THSD7B: variants seen among roughly 807,000 people sequenced by gnomAD.
THSD7B encodes thrombospondin type-1 domain-containing protein 7B.
A neutral mutation model predicts 213.6 loss-of-function variants in THSD7B; 138 were observed. That is an observed-to-expected ratio of 0.65 (90% CI 0.56 to 0.74). THSD7B has a LOEUF of 0.74. THSD7B is among the 30% of genes least tolerant of loss of function. The pLI is 0.00. For missense variants in THSD7B, 1,931 were observed against 1,991.5 expected (o/e 0.97, Z 0.58); for synonymous variants, 742 against 687.0 (o/e 1.08, Z -1.25).
At chr2:137,531,170 C>T (rs1573688515) in intron 15 of THSD7B, among the ~76,000 whole-genome samples, 1 of 152,024 alleles carries the variant, frequency 6.6e-6, no homozygotes, top group East Asian at 1.9e-4. Flanking sequence ...AAAAGTTGGC[C>T]TTGTAAGGCA....
intron 1 of THSD7B, among the ~76,000 whole-genome samples, chr2:136,864,293 T>C (rs1428136193): frequency 6.6e-6 from 1 of 152,168 alleles, no homozygotes; most frequent in African/African-American, 2.4e-5. Flanking sequence ...CTCTGGATTT[T>C]CTTTTTTGAA....
intron 17 of THSD7B, among the ~76,000 whole-genome samples, chr2:137,589,258 T>C (rs1681811906): frequency 6.6e-6 from 1 of 152,236 alleles, no homozygotes; most frequent in South Asian, 2.1e-4. Context: ...TAAGTTTTTA[T>C]TTAATCCATA....
intron 12 of THSD7B, among the ~76,000 whole-genome samples, chr2:137,295,432 A>G (rs1388594728): frequency 6.6e-6 from 1 of 152,132 alleles, no homozygotes; most frequent in East Asian, 1.9e-4. Context: ...CAGACAAAAT[A>G]CCAGTCTTAC....
At chr2:137,253,037 C>T (rs1420075754) in intron 10 of THSD7B, among the ~76,000 whole-genome samples, 2 of 149,520 alleles carry the variant, frequency 1.3e-5, no homozygotes, top group East Asian at 2.0e-4. Flanking sequence ...TAGAATAACA[C>T]CTTCATGTGG....
intron 14 of THSD7B, among the ~76,000 whole-genome samples, chr2:137,421,001 G>A (rs2105026116): frequency 6.6e-6 from 1 of 151,578 alleles, no homozygotes; most frequent in Non-Finnish European, 1.5e-5. Flanking sequence ...CATAGCATCT[G>A]GCTTCAGTAT....
intron 15 of THSD7B, among the ~76,000 whole-genome samples, chr2:137,473,120 CCATT>C (rs150648034): frequency 0.015 from 2,232 of 149,884 alleles, 71 homozygotes; most frequent in African/African-American, 0.052. Flanking sequence ...GTAACAGTCT[CCATT>C]CATTCAGGAA....
rs141916046 is a variant in THSD7B at position 136,783,928 on chromosome 2, G to A, written c.-36+18241G>A. 2.3e-4 allele frequency among the ~76,000 whole-genome samples: 35 copies of A among 152,306 alleles called. 1 individual carries two copies. In the East Asian group the frequency reaches 6.6e-3, roughly 29 times the overall value. ...TCGTAAGAGAAATGCATGGCAGTTAGGACTTTAATTAGAGTTTCCTTGAGA... is the reference window on the plus strand; with the variant it reads ...TCGTAAGAGAAATGCATGGCAGTTAAGACTTTAATTAGAGTTTCCTTGAGA... On this transcript the variant is annotated intron_variant, in intron 1 of 27. Transcript: ENST00000409968.
chr2:137,470,765 C>T (rs1049813130), intron 15 of THSD7B, among the ~76,000 whole-genome samples: 2 of 152,058 alleles, frequency 1.3e-5, no homozygotes, highest in Non-Finnish European at 1.5e-5. Context: ...AATTTGGATT[C>T]CCAATATTCC....
chr2:137,072,579 A>C (rs1687519440), intron 3 of THSD7B, among the ~76,000 whole-genome samples: 2 of 152,088 alleles, frequency 1.3e-5, no homozygotes, highest in African/African-American at 4.8e-5. Flanking sequence ...TCTTTTCCTA[A>C]TTGAATACCC....
At chr2:137,619,394 G>A (rs192841872) in intron 19 of THSD7B, among the ~76,000 whole-genome samples, 4 of 152,268 alleles carry the variant, frequency 2.6e-5, no homozygotes, top group Admixed American at 1.3e-4. Flanking sequence ...GTCACAACAC[G>A]CTCATGCTCT....
At chr2:137,404,613 T>C (rs900584081) in intron 12 of THSD7B, among the ~76,000 whole-genome samples, 16 of 150,040 alleles carry the variant, frequency 1.1e-4, no homozygotes, top group South Asian at 2.1e-4. Context: ...ATACTATATA[T>C]GATCATATAT....
chr2:137,553,312 T>C (rs1680886646), intron 15 of THSD7B, among the ~76,000 whole-genome samples: 1 of 152,142 alleles, frequency 6.6e-6, no homozygotes, highest in Admixed American at 6.6e-5. Flanking sequence ...GTGGTTGTTG[T>C]TAAAGGATTA....
chr2:137,358,196 T>G (rs1470831069), intron 12 of THSD7B, among the ~76,000 whole-genome samples: 1 of 152,222 alleles, frequency 6.6e-6, no homozygotes, highest in Non-Finnish European at 1.5e-5. Context: ...GCTTGTTTGG[T>G]TTTGTCTACA....
intron 1 of THSD7B, among the ~76,000 whole-genome samples, chr2:136,767,156 C>G (rs372904834): frequency 1.6e-4 from 25 of 152,236 alleles, no homozygotes; most frequent in East Asian, 1.2e-3. Flanking sequence ...CCTTTTTGTG[C>G]TCTTGACTGT....
intron 27 of THSD7B, among the ~76,000 whole-genome samples, chr2:137,675,934 A>G (rs1187773966): frequency 6.6e-6 from 1 of 152,174 alleles, no homozygotes; most frequent in Non-Finnish European, 1.5e-5. Context: ...GTGATTTGGG[A>G]ATGTTGTTAA....
At chr2:137,590,338 G>T (rs1192537329) in intron 17 of THSD7B, among the ~76,000 whole-genome samples, 1 of 152,146 alleles carries the variant, frequency 6.6e-6, no homozygotes, top group African/African-American at 2.4e-5. Flanking sequence ...TAGAACCATG[G>T]GCAGGGTGAC....
chr2:137,675,359 G>A (rs897813592), intron 27 of THSD7B, among the ~76,000 whole-genome samples: 1 of 145,934 alleles, frequency 6.9e-6, no homozygotes, highest in Non-Finnish European at 1.5e-5. Context: ...TAATTCATAT[G>A]TGCAGACAAA....
At chr2:136,830,382 C>A (rs951755786) in intron 1 of THSD7B, among the ~76,000 whole-genome samples, 3 of 148,264 alleles carry the variant, frequency 2.0e-5, no homozygotes, top group Non-Finnish European at 4.5e-5. Context: ...GAAAATTAAC[C>A]AAACAAATAA....
chr2:137,529,062 C>G (rs755379109), intron 15 of THSD7B, among the ~76,000 whole-genome samples: 5 of 152,074 alleles, frequency 3.3e-5, no homozygotes, highest in Admixed American at 6.6e-5. Flanking sequence ...CTACTTATGG[C>G]TAGTGATAGG....
Sources: gnomAD v4.1 joint callset for allele counts (sites outside exome capture counted in the v4.1 genomes callset) on GRCh38, gnomAD v4.1.1 for gene constraint, MANE v1.5 for transcripts, NCBI Gene and HGNC (gene_info 2026-07-23, HGNC 2026-07-21) for gene names.